GPHN: variants seen among roughly 807,000 people sequenced by gnomAD.
GPHN encodes the protein gephyrin.
In GPHN, 17 loss-of-function variants were observed where a neutral mutation model predicts 95.5. That is an observed-to-expected ratio of 0.18 (90% confidence interval 0.12 to 0.27). The LOEUF (loss-of-function observed/expected upper bound fraction) is 0.27, where lower values mean the gene tolerates loss of function less well. Ranked by LOEUF, GPHN falls within the 10% of genes least tolerant of loss-of-function variation. The pLI is 1.00. For missense variants in GPHN, 660 were observed against 978.1 expected, an observed-to-expected ratio of 0.67 and a Z score of 4.34; for synonymous variants, 320 against 322.5, an observed-to-expected ratio of 0.99 and a Z score of 0.08.
At chr14:66,926,191 G>C (rs950067993) in intron 8 of GPHN, among the ~76,000 whole-genome samples, 2 of 151,982 alleles carry the variant, frequency 1.3e-5, no homozygotes, top group Non-Finnish European at 2.9e-5. Flanking sequence ...CCATACCTTG[G>C]ATTCTCTTCA....
the GPHN span, chr14:67,364,987 A>C: frequency 6.2e-7 from 1 of 1,607,898 alleles, no homozygotes; most frequent in Non-Finnish European, 8.5e-7. Context: ...TGTGGTTGTC[A>C]TTAGGGTGGA....
chr14:67,704,845 A>G, the GPHN span, among the ~76,000 whole-genome samples: 1 of 152,214 alleles, frequency 6.6e-6, no homozygotes, highest in Non-Finnish European at 1.5e-5. Flanking sequence ...ACCAGCTTTA[A>G]TAAACCAGAA....
intron 10 of GPHN, among the ~76,000 whole-genome samples, chr14:67,057,408 G>GC (rs1555477458): frequency 9.6e-6 from 1 of 104,578 alleles, no homozygotes; most frequent in Non-Finnish European, 1.6e-5. Flanking sequence ...ATGGGCACAT[G>GC]GGTGGGGGGG....
At chr14:66,711,447 G>A (rs1471277455) in intron 2 of GPHN, among the ~76,000 whole-genome samples, 1 of 152,018 alleles carries the variant, frequency 6.6e-6, no homozygotes, top group Non-Finnish European at 1.5e-5. Context: ...TGATTGATGG[G>A]CACTTGGGTT....
intron 2 of GPHN, among the ~76,000 whole-genome samples, chr14:66,768,641 A>G (rs1328724631): frequency 1.3e-5 from 2 of 152,028 alleles, no homozygotes; most frequent in East Asian, 3.9e-4. Flanking sequence ...AAAAACTGGC[A>G]GAATTAAAGG....
At chr14:67,284,568 A>ACAAAAAAAC in the GPHN span, among the ~76,000 whole-genome samples, 1 of 140,060 alleles carries the variant, frequency 7.1e-6, no homozygotes, top group African/African-American at 2.6e-5. Flanking sequence ...AAAAAAAAAA[A>ACAAAAAAAC]AAAAAAAAAA....
At chr14:67,605,476 C>A in the GPHN span, among the ~76,000 whole-genome samples, 2 of 152,166 alleles carry the variant, frequency 1.3e-5, no homozygotes, top group African/African-American at 4.8e-5. Flanking sequence ...CCCACCTTGG[C>A]CTCCCAAAGT....
At chr14:67,451,983 C>T in the GPHN span, among the ~76,000 whole-genome samples, 1 of 152,196 alleles carries the variant, frequency 6.6e-6, no homozygotes, top group Non-Finnish European at 1.5e-5. Context: ...GTGGGTCTTT[C>T]CCATGCTGTT....
chr14:66,731,345 G>C (rs1390386132), intron 2 of GPHN, among the ~76,000 whole-genome samples: 3 of 152,202 alleles, frequency 2.0e-5, no homozygotes, highest in African/African-American at 7.2e-5. Context: ...GAAAATGTGG[G>C]AAAGTTTGGA....
At chr14:67,123,789 C>T (rs2079139213) in intron 17 of GPHN, among the ~76,000 whole-genome samples, 1 of 152,090 alleles carries the variant, frequency 6.6e-6, no homozygotes, top group South Asian at 2.1e-4. Context: ...TTTCTTAAAA[C>T]ATTATGAGAT....
chr14:67,491,854 C>T, the GPHN span, among the ~76,000 whole-genome samples: 1 of 152,230 alleles, frequency 6.6e-6, no homozygotes, highest in Non-Finnish European at 1.5e-5. Flanking sequence ...AAGCCTGTGT[C>T]TGTCCAGCTC....
At position 67,181,572 on chromosome 14, in the gene GPHN, GA is replaced by G; in HGVS notation, c.*641del. The G allele has an allele frequency of 2.3e-6, 1 of 443,370 alleles. No individual in the cohort carries two copies. The highest frequency in any genetic ancestry group is 4.3e-6 in the Non-Finnish European group (1 of 231,028). 27.5% of individuals were successfully genotyped at this position (443,370 alleles called of 1,614,324 possible). On this transcript the variant is annotated 3_prime_UTR_variant, in exon 23 of 23. Coordinates refer to ENST00000478722, the MANE Select transcript of GPHN (RefSeq NM_020806.5). The stretch of plus-strand genomic sequence containing the variant: ...CTTTTATTTGAAGAAACAAACTGAA[GA>G]AAAAATGCTTCCTTAAGTGCTGACA...
chr14:67,244,705 CTT>C, the GPHN span, among the ~76,000 whole-genome samples: 1 of 151,894 alleles, frequency 6.6e-6, no homozygotes, highest in Non-Finnish European at 1.5e-5. Context: ...TTTTGTTTCT[CTT>C]AAGTAGATGG....
chr14:67,670,862 T>C, the GPHN span, among the ~76,000 whole-genome samples: 1 of 152,074 alleles, frequency 6.6e-6, no homozygotes, highest in African/African-American at 2.4e-5. Context: ...CTGGAAGTCC[T>C]CAGAGCCTAG....
the GPHN span, chr14:67,577,999 G>A: frequency 6.2e-7 from 1 of 1,606,020 alleles, no homozygotes; most frequent in African/African-American, 1.3e-5. Flanking sequence ...TGGTCTGCCT[G>A]TGCTCACTGC....
At chr14:66,898,357 T>C (rs548452983) in intron 5 of GPHN, among the ~76,000 whole-genome samples, 1 of 151,724 alleles carries the variant, frequency 6.6e-6, no homozygotes, top group African/African-American at 2.4e-5. Flanking sequence ...TTTAAATCCA[T>C]TTGAGTTGAT....
the GPHN span, among the ~76,000 whole-genome samples, chr14:67,363,677 G>A: frequency 6.6e-6 from 1 of 152,130 alleles, no homozygotes; most frequent in African/African-American, 2.4e-5. Flanking sequence ...GTACCACAAG[G>A]AGATAGGCAA....
chr14:67,703,528 A>G, the GPHN span, among the ~76,000 whole-genome samples: 4 of 152,228 alleles, frequency 2.6e-5, no homozygotes, highest in Non-Finnish European at 5.9e-5. Flanking sequence ...AAAAATATAT[A>G]GAGGTAGACA....
chr14:67,012,918 CATT>C (rs2073090777), intron 9 of GPHN, among the ~76,000 whole-genome samples: 1 of 151,758 alleles, frequency 6.6e-6, no homozygotes, highest in Non-Finnish European at 1.5e-5. Context: ...TTTTTTATTC[CATT>C]ACTGTATTTT....
Sources: allele counts gnomAD v4.1 joint callset (sites outside exome capture counted in the v4.1 genomes callset), GRCh38; gene constraint gnomAD v4.1.1; transcripts MANE v1.5; gene names NCBI Gene and HGNC (gene_info 2026-07-23, HGNC 2026-07-21).